The following CHRM2 variants were observed in gnomAD, a reference collection of about 807,000 sequenced individuals.
CHRM2 encodes cholinergic receptor muscarinic 2.
A neutral mutation model predicts 25.0 loss-of-function variants in CHRM2; 8 were observed. The observed-to-expected ratio is 0.32, with a 90% confidence interval of 0.19 to 0.58. The LOEUF is 0.58. Ranked by LOEUF, CHRM2 falls within the 20% of genes least tolerant of loss-of-function variation. The pLI, the probability that CHRM2 is intolerant of heterozygous loss-of-function variation, is 0.88. For missense variants in CHRM2, 440 were observed against 567.1 expected (o/e 0.78, Z 2.28); for synonymous variants, 202 against 205.7 (o/e 0.98, Z 0.15).
intron 2 of CHRM2, among the ~76,000 whole-genome samples, chr7:136,912,531 T>G (rs1329838497): frequency 1.3e-5 from 2 of 151,830 alleles, no homozygotes; most frequent in African/African-American, 4.8e-5. Context: ...AACAGTACCG[T>G]CACTCTATTT....
intron 2 of CHRM2, among the ~76,000 whole-genome samples, chr7:136,933,788 C>G (rs530189638): frequency 1.1e-4 from 16 of 152,148 alleles, no homozygotes; most frequent in Non-Finnish European, 2.4e-4. Context: ...CAACAGTAGT[C>G]TAGGTGAAAG....
Position 136,968,445 on chromosome 7 carries a change from A to G in CHRM2, c.-124-23742A>G, listed in dbSNP as rs1026347665. 3.3e-5 allele frequency among the ~76,000 whole-genome samples: 5 copies of G among 151,952 alleles called. No individual in the cohort carries two copies. In the East Asian group the frequency reaches 9.8e-4, roughly 30 times the overall value. On this transcript the variant is annotated intron_variant, in intron 2 of 3. Transcript: ENST00000680005. ...TGTTGGTGGGAGTGTAAATAAGTAC[A>G]GTCACTCAAGAAAACAGTACGGAGG...
chr7:136,922,802 T>G (rs1798521989), intron 2 of CHRM2, among the ~76,000 whole-genome samples: 1 of 152,204 alleles, frequency 6.6e-6, no homozygotes, highest in African/African-American at 2.4e-5. Flanking sequence ...CTCTGTATGT[T>G]GCATTGTTTT....
chr7:136,998,109 G>T (rs547030007), intron 3 of CHRM2, among the ~76,000 whole-genome samples: 4 of 152,272 alleles, frequency 2.6e-5, no homozygotes, highest in Admixed American at 2.0e-4. Flanking sequence ...GCTACAGCTG[G>T]CTTTTAATGA....
chr7:136,919,093 C>G (rs555879939), intron 2 of CHRM2, among the ~76,000 whole-genome samples: 1 of 152,056 alleles, frequency 6.6e-6, no homozygotes, highest in Admixed American at 6.6e-5. Flanking sequence ...GAATAGACAA[C>G]TTTTGGAGAC....
At chr7:137,008,711 G>C (rs964272086) in intron 3 of CHRM2, among the ~76,000 whole-genome samples, 1 of 151,972 alleles carries the variant, frequency 6.6e-6, no homozygotes, top group Non-Finnish European at 1.5e-5. Flanking sequence ...TAAAGAAATA[G>C]AAACAAGTAT....
At chr7:136,913,239 C>T (rs1797938502) in intron 2 of CHRM2, among the ~76,000 whole-genome samples, 1 of 151,792 alleles carries the variant, frequency 6.6e-6, no homozygotes. Flanking sequence ...TTCTTTGTGG[C>T]TGGCATTATT....
chr7:136,881,694 A>G (rs1047847724), intron 2 of CHRM2, among the ~76,000 whole-genome samples: 2 of 151,986 alleles, frequency 1.3e-5, no homozygotes, highest in Non-Finnish European at 2.9e-5. Context: ...CTGTGATTAT[A>G]TCTTTTACAT....
chr7:136,918,879 T>A (rs1375568650), intron 2 of CHRM2, among the ~76,000 whole-genome samples: 1 of 152,074 alleles, frequency 6.6e-6, no homozygotes, highest in Admixed American at 6.6e-5. Flanking sequence ...CTCTATGCCA[T>A]TGCATAAGGA....
At chr7:136,918,949 A>G (rs908919655) in intron 2 of CHRM2, among the ~76,000 whole-genome samples, 10 of 152,192 alleles carry the variant, frequency 6.6e-5, no homozygotes, top group Non-Finnish European at 1.3e-4. Context: ...ATCTGAGTGT[A>G]CTGGATAAAT....
chr7:136,984,465 C>A (rs111582773), intron 2 of CHRM2, among the ~76,000 whole-genome samples: 2,021 of 151,582 alleles, frequency 0.013, 41 homozygotes, highest in African/African-American at 0.046. Flanking sequence ...GTCTCGCTGG[C>A]GTTCCAGGCA....
chr7:136,975,299 T>C (rs1802039378), intron 2 of CHRM2, among the ~76,000 whole-genome samples: 1 of 151,984 alleles, frequency 6.6e-6, no homozygotes, highest in Admixed American at 6.5e-5. Flanking sequence ...GAAGACATTT[T>C]CCTCCCCTTA....
At chr7:136,930,927 A>AAAAAAAAAAAAAAAAAAAAAG (rs1290104978) in intron 2 of CHRM2, among the ~76,000 whole-genome samples, 1 of 138,604 alleles carries the variant, frequency 7.2e-6, no homozygotes, top group African/African-American at 2.8e-5. Flanking sequence ...AAAAAAAAAA[A>AAAAAAAAAAAAAAAAAAAAAG]GGATAGAAAG....
intron 2 of CHRM2, among the ~76,000 whole-genome samples, chr7:136,915,588 A>G (rs878880952): frequency 1.3e-5 from 2 of 151,836 alleles, no homozygotes; most frequent in Non-Finnish European, 2.9e-5. Context: ...TAACCTCTCA[A>G]CTAGAATTTC....
At chr7:136,925,805 A>G (rs1303518190) in intron 2 of CHRM2, among the ~76,000 whole-genome samples, 3 of 152,150 alleles carry the variant, frequency 2.0e-5, no homozygotes, top group African/African-American at 7.2e-5. Context: ...GACACTCAAT[A>G]TTTCCTGGCA....
chr7:136,944,143 G>T (rs1018325247), intron 2 of CHRM2, among the ~76,000 whole-genome samples: 3 of 152,054 alleles, frequency 2.0e-5, no homozygotes, highest in African/African-American at 7.2e-5. Flanking sequence ...TTGGTTACAT[G>T]AATAATTTCT....
intron 2 of CHRM2, among the ~76,000 whole-genome samples, chr7:136,877,189 C>T (rs555186387): frequency 6.6e-6 from 1 of 152,012 alleles, no homozygotes; most frequent in Non-Finnish European, 1.5e-5. Flanking sequence ...GGACAGAGAG[C>T]TTTGCTGTAG....
chr7:136,876,220 T>TA (rs764055290), intron 2 of CHRM2, among the ~76,000 whole-genome samples: 11 of 152,180 alleles, frequency 7.2e-5, no homozygotes, highest in African/African-American at 1.7e-4. Context: ...GTTTTTATTT[T>TA]AAAAAACAAA....
intron 2 of CHRM2, among the ~76,000 whole-genome samples, chr7:136,906,305 A>G (rs919031132): frequency 1.7e-4 from 26 of 151,016 alleles, no homozygotes; most frequent in Admixed American, 1.7e-3. Context: ...ATGTGTGTGT[A>G]TGTATGTGTG....
Sources: gnomAD v4.1 joint callset for allele counts (sites outside exome capture counted in the v4.1 genomes callset) on GRCh38, gnomAD v4.1.1 for gene constraint, MANE v1.5 for transcripts, NCBI Gene and HGNC (gene_info 2026-07-23, HGNC 2026-07-21) for gene names.